The following HECTD4 variants were observed in gnomAD, a reference collection of about 807,000 sequenced individuals.
The protein encoded by HECTD4 is HECT domain E3 ubiquitin protein ligase 4, also known as probable E3 ubiquitin-protein ligase HECTD4.
HECTD4 carries 114 observed loss-of-function variants against 471.5 expected under a neutral mutation model. The ratio of observed to expected loss-of-function variants is 0.24; its 90% CI spans 0.21 to 0.28. The LOEUF is 0.28. Among genes scored for constraint, HECTD4 ranks in the 10% least tolerant of loss-of-function variants. The pLI is 1.00. For missense variants in HECTD4, 3,866 were observed against 5,651.5 expected (o/e 0.68, Z 10.13); for synonymous variants, 2,012 against 2,256.0 (o/e 0.89, Z 3.07).
At chr12:112,293,364 C>CAA (rs754332904) in intron 7 of HECTD4, among the ~76,000 whole-genome samples, 40 of 69,836 alleles carry the variant, frequency 5.7e-4, no homozygotes, top group East Asian at 3.4e-3. Flanking sequence ...GACTCTGTCT[C>CAA]AAAAAAAAAA....
In HECTD4 at chr12:112,179,077, C is replaced by T. The variant is rs2031569268; in HGVS notation, c.11217G>A (p.Leu3739=). The T allele has an allele frequency of 1.2e-6, 2 of 1,613,876 alleles. No homozygotes were observed. The highest frequency in any genetic ancestry group is 1.7e-6 in the Non-Finnish European group (2 of 1,179,904). ...TGGGCTTTGGCACGCCATACTTCCT[C>T]AGGATCTGTGGAGCACAGAGGCAGC... The part of the protein sequence containing the change: ...KVLEDQLTQI[L]RKYGVPKPKF... Residue 3739 remains leucine, a synonymous_variant, in exon 64 of 76, where the codon CTG becomes CTA. Transcript: ENST00000682272. The surrounding 1 kb of genome is among the most constrained non-coding windows in gnomAD (Gnocchi z 4.3).
chr12:112,328,834 T>A (rs899767233), intron 1 of HECTD4, among the ~76,000 whole-genome samples: 6 of 152,240 alleles, frequency 3.9e-5, no homozygotes, highest in Non-Finnish European at 8.8e-5. Flanking sequence ...CTTTAATTCA[T>A]GAGTTTTAGC....
intron 5 of HECTD4, among the ~76,000 whole-genome samples, chr12:112,309,333 G>C (rs190809274): frequency 2.0e-5 from 3 of 152,170 alleles, no homozygotes; most frequent in Admixed American, 2.0e-4. Context: ...CAATGATCTT[G>C]GGGCTACCAA....
At chr12:112,203,837 A>G (rs541079237) in intron 53 of HECTD4, 65 bp from the exon 54 acceptor site, 1 of 1,033,336 alleles carries the variant, frequency 9.7e-7, no homozygotes, top group Non-Finnish European at 1.4e-6. Flanking sequence ...TCTTACATTT[A>G]GCATCTAAAA....
In HECTD4 at chr12:112,308,926, T is replaced by A. The variant is rs546629501; in HGVS notation, c.1026-35A>T. On this transcript the variant is annotated intron_variant, in intron 5 of 75. Transcript: ENST00000682272. ...GAAATGGAGCACAGGCTGAATCACC[T>A]GGCTATGTCAGAAACCCCACACAAG... 1.9e-5 allele frequency: 29 copies of A among 1,524,536 alleles called. No individual in the cohort carries two copies. The East Asian group carries it at 6.4e-4, about 34-fold the overall frequency. 94.4% of individuals were successfully genotyped at this position (1,524,536 alleles called of 1,614,324 possible). A position where few individuals can be genotyped will look rare whatever the true frequency, so the allele number is the denominator to read the frequency against.
In HECTD4 at chr12:112,243,004, A is replaced by G. The variant is rs1384597166; in HGVS notation, c.4958+349T>C. On this transcript the variant is annotated intron_variant, in intron 32 of 75. Coordinates refer to ENST00000682272, the MANE Select transcript of HECTD4 (RefSeq NM_001388303.1). The surrounding 1 kb of genome is among the most constrained non-coding windows in gnomAD (Gnocchi z 6.6). ...CTAAGACATACTGAGCAAAACAACC[A>G]TGGTTATAGAAAGGCATGGATAATA... 6.6e-6 allele frequency among the ~76,000 whole-genome samples: 1 copy of G among 152,232 alleles called. No individual in the cohort carries two copies. Among genetic ancestry groups the G allele is most frequent in the Non-Finnish European group, 1.5e-5 (1 of 68,046 alleles).
rs750055963 is a variant in HECTD4, at chr12:112,319,826, C to G, written c.178-84G>C. ...GAAGAAAATATGTTTAATGATATCC[C>G]AAAATAGTCAACGCCAAAAATTATT... is the stretch of plus-strand genomic sequence containing the variant. On this transcript the variant is annotated intron_variant, in intron 1 of 75. Transcript: ENST00000682272. This position sits in a 1 kb window ranked among gnomAD's most constrained non-coding sequence, Gnocchi z 5.3. 4.8e-5 allele frequency: 48 copies of G among 990,204 alleles called. No homozygotes were observed. Among genetic ancestry groups the G allele is most frequent in the African/African-American group, 6.7e-5 (4 of 59,630 alleles). 61.3% of individuals were successfully genotyped at this position (990,204 alleles called of 1,614,324 possible).
At chr12:112,263,497 TG>T (rs1326598101) in intron 17 of HECTD4, among the ~76,000 whole-genome samples, 4 of 152,120 alleles carry the variant, frequency 2.6e-5, no homozygotes, top group Admixed American at 6.6e-5. Context: ...ATCTTTGGAC[TG>T]CTATAAATTG....
intron 1 of HECTD4, among the ~76,000 whole-genome samples, chr12:112,360,199 G>C (rs576301400): frequency 5.9e-5 from 9 of 152,302 alleles, no homozygotes; most frequent in Middle Eastern, 3.4e-3. Context: ...TGCACCTATA[G>C]TCCCAGCTAC....
intron 32 of HECTD4, among the ~76,000 whole-genome samples, chr12:112,242,313 T>G (rs1168784084): frequency 6.6e-6 from 1 of 152,130 alleles, no homozygotes; most frequent in Non-Finnish European, 1.5e-5. Context: ...ATCTATGAGC[T>G]CTTAAAAATC....
Position 112,184,885 on chromosome 12 carries a change from G to A in HECTD4, c.10081C>T (p.Leu3361Phe). The change falls in exon 61 of 76, where the codon CTC (leucine) becomes TTC (phenylalanine). Residue 3361 changes from leucine to phenylalanine, a missense_variant. By Grantham distance (22) the Leu-to-Phe change is conservative (BLOSUM62 0). Coordinates refer to ENST00000682272, the MANE Select transcript of HECTD4 (RefSeq NM_001388303.1). This position sits in a 1 kb window ranked among gnomAD's most constrained non-coding sequence, Gnocchi z 9.1. Reference sequence around the variant, plus strand: ...CTGGTGAGGTGGCGGAGGATGATGAGCAGGGTGAGTGCGCGGTGGAACCAC... The same window carrying A: ...CTGGTGAGGTGGCGGAGGATGATGAACAGGGTGAGTGCGCGGTGGAACCAC... ...MLWFHRALTL[L>F]IILRHLTRKD... 1 of 1,610,844 alleles carries A rather than the reference G, an allele frequency of 6.2e-7. No homozygotes were observed. Among genetic ancestry groups the A allele is most frequent in the Admixed American group, 1.7e-5 (1 of 59,888 alleles).
In HECTD4 at chr12:112,325,813, G is replaced by GT. The variant is rs112407518; in HGVS notation, c.178-6072dup. Among the ~76,000 whole-genome samples, 801 of 142,916 alleles carry GT rather than the reference G, an allele frequency of 5.6e-3. 5 individuals carry two copies. The highest frequency in any genetic ancestry group is 0.01 in the African/African-American group (395 of 39,286). The allele number at this position is 142,916 out of a possible 152,430, so 93.8% of individuals were successfully genotyped here. Reference sequence around the variant, plus strand: ...CACATAACATATGTGTTTTGTTGCCGTTTTTTTTTTTTTCTTTTGAGACAG... The same window carrying GT: ...CACATAACATATGTGTTTTGTTGCCGTTTTTTTTTTTTTTCTTTTGAGACAG... On this transcript the variant is annotated intron_variant, in intron 1 of 75. Transcript: ENST00000682272.
chr12:112,302,274 G>A, intron 7 of HECTD4: 1 of 906,820 alleles, frequency 1.1e-6, no homozygotes, highest in African/African-American at 1.6e-5. Flanking sequence ...AGGGCAGGTG[G>A]TCTCTTAGTG....
chr12:112,380,332 C>A (rs1361782162), intron 1 of HECTD4, among the ~76,000 whole-genome samples: 1 of 152,022 alleles, frequency 6.6e-6, no homozygotes, highest in Non-Finnish European at 1.5e-5. Context: ...GTAATCCCAG[C>A]AACTCGGGAG....
chr12:112,218,229 A>G (rs1054092116), intron 45 of HECTD4, among the ~76,000 whole-genome samples: 6 of 151,778 alleles, frequency 4.0e-5, no homozygotes, highest in Non-Finnish European at 8.8e-5. Context: ...TTTTGTTTTG[A>G]TTTTTAATAT....
chr12:112,367,258 C>A (rs2036578929), intron 1 of HECTD4, among the ~76,000 whole-genome samples: 1 of 147,538 alleles, frequency 6.8e-6, no homozygotes. Context: ...GAGATTGTGC[C>A]ACTGCACTCC....
chr12:112,227,197 C>T (rs533992268), intron 43 of HECTD4, among the ~76,000 whole-genome samples: 64 of 152,302 alleles, frequency 4.2e-4, no homozygotes, highest in African/African-American at 1.4e-3. Context: ...TGGTGGCTCA[C>T]GCCTGTAATC....
chr12:112,247,538 C>T lies in HECTD4; in HGVS notation c.4261G>A (p.Glu1421Lys). Reference sequence around the variant, plus strand: ...TTCATTGAACATAAAAGTTCTAGTTCTTTCATTTTGTTCTAAAGAAAAAAA... The same window carrying T: ...TTCATTGAACATAAAAGTTCTAGTTTTTTCATTTTGTTCTAAAGAAAAAAA... ...DYHFNENKMK[E>K]LELLCSMKEV... The change falls in exon 28 of 76, where the codon GAA becomes AAA. Residue 1421 changes from glutamate (E) to lysine (K), a missense_variant. By Grantham distance (56) the Glu-to-Lys change is moderately conservative (BLOSUM62 1). This residue lies in a region of HECTD4 where 281 missense variants were observed against 499.9 expected (regional missense o/e 0.56). Coordinates refer to ENST00000682272, the MANE Select transcript of HECTD4 (RefSeq NM_001388303.1). 6.6e-7 allele frequency: 1 copy of T among 1,505,986 alleles called. No homozygotes were observed. The highest frequency in any genetic ancestry group is 8.9e-7 in the Non-Finnish European group (1 of 1,118,748). 93.3% of individuals were successfully genotyped at this position (1,505,986 alleles called of 1,614,324 possible).
At chr12:112,299,846 C>T (rs529178283) in intron 7 of HECTD4, among the ~76,000 whole-genome samples, 2 of 152,328 alleles carry the variant, frequency 1.3e-5, no homozygotes, top group East Asian at 3.9e-4. Flanking sequence ...CAGGCAGGGA[C>T]TGTTTTTTAA....
Sources: allele counts gnomAD v4.1 joint callset (sites outside exome capture counted in the v4.1 genomes callset), GRCh38; gene constraint gnomAD v4.1.1; regional missense constraint gnomAD v4.1.1; non-coding constraint Gnocchi (gnomAD v3.1); transcripts MANE v1.5; gene names NCBI Gene and HGNC (gene_info 2026-07-23, HGNC 2026-07-21).